The following RAB3C variants were observed in gnomAD, a reference collection of about 807,000 sequenced individuals.
RAB3C encodes the protein ras-related protein Rab-3C.
A neutral mutation model predicts 26.4 loss-of-function variants in RAB3C; 17 were observed. The ratio of observed to expected loss-of-function variants is 0.64; its 90% confidence interval spans 0.44 to 0.97. RAB3C has a LOEUF of 0.97. Among genes scored for constraint, RAB3C ranks in the 50% least tolerant of loss-of-function variants. The probability of loss-of-function intolerance (pLI) is 0.00; values close to 1 mark genes in which losing one functional copy is unlikely to be tolerated. For synonymous variants in RAB3C, 91 were observed against 95.9 expected, an observed-to-expected ratio of 0.95 and a Z score of 0.30; for missense variants, 242 against 281.9, an observed-to-expected ratio of 0.86 and a Z score of 1.01.
chr5:58,695,338 AT>A (rs1468598413), intron 2 of RAB3C, among the ~76,000 whole-genome samples: 1 of 152,014 alleles, frequency 6.6e-6, no homozygotes, highest in African/African-American at 2.4e-5. Flanking sequence ...TTGTAGTATA[AT>A]TTGAAGTCAG....
chr5:58,639,129 T>C (rs1747355616), intron 2 of RAB3C, among the ~76,000 whole-genome samples: 1 of 152,202 alleles, frequency 6.6e-6, no homozygotes. Flanking sequence ...GAATGGACAA[T>C]TCTGGAAAGC....
Position 58,853,793 on chromosome 5 carries a change from C to T in RAB3C, c.*2442C>T, listed in dbSNP as rs1744169373. 1 of 152,080 alleles carries T rather than the reference C, an allele frequency of 6.6e-6. No individual in the cohort carries two copies. Among genetic ancestry groups the T allele is most frequent in the South Asian group, 2.1e-4 (1 of 4,828 alleles). The allele number at this position is 152,080 out of a possible 1,614,324, so 9.4% of individuals were successfully genotyped here. ...TGATTCTCAGTTCTGAAACTCCCAC[C>T]CTGTTAGGATTTCCATTCCAAATAA... On this transcript the variant is annotated 3_prime_UTR_variant, in exon 5 of 5. Coordinates refer to ENST00000282878, the MANE Select transcript of RAB3C (RefSeq NM_138453.4).
intron 1 of RAB3C, among the ~76,000 whole-genome samples, chr5:58,608,835 A>G (rs771665086): frequency 6.6e-6 from 1 of 152,194 alleles, no homozygotes; most frequent in African/African-American, 2.4e-5. Context: ...TGGCACATAT[A>G]CACCGTGGAA....
intron 1 of RAB3C, among the ~76,000 whole-genome samples, chr5:58,614,900 A>G (rs1052569515): frequency 7.2e-5 from 11 of 152,156 alleles, no homozygotes; most frequent in African/African-American, 2.2e-4. Context: ...ATAATACAGA[A>G]TAATAACCAC....
chr5:58,781,068 G>A (rs1742258976), intron 3 of RAB3C, among the ~76,000 whole-genome samples: 1 of 151,912 alleles, frequency 6.6e-6, no homozygotes, highest in South Asian at 2.1e-4. Flanking sequence ...TCTCTGAATA[G>A]TAACTAGAAC....
intron 3 of RAB3C, among the ~76,000 whole-genome samples, chr5:58,736,526 T>C (rs1741140017): frequency 6.6e-6 from 1 of 152,194 alleles, no homozygotes; most frequent in African/African-American, 2.4e-5. Flanking sequence ...GCAATAAACC[T>C]CTTCACCTAC....
intron 1 of RAB3C, among the ~76,000 whole-genome samples, chr5:58,589,685 A>G (rs1489751062): frequency 1.3e-5 from 2 of 152,146 alleles, no homozygotes; most frequent in African/African-American, 4.8e-5. Flanking sequence ...CCATGGCCTA[A>G]CCCTGTAACG....
chr5:58,629,142 T>C (rs1385345306), intron 2 of RAB3C, among the ~76,000 whole-genome samples: 1 of 152,140 alleles, frequency 6.6e-6, no homozygotes, highest in Non-Finnish European at 1.5e-5. Context: ...CTCACTCTTT[T>C]GGTAATCTGG....
At chr5:58,756,108 C>T (rs1023120164) in intron 3 of RAB3C, among the ~76,000 whole-genome samples, 22 of 151,398 alleles carry the variant, frequency 1.5e-4, no homozygotes, top group African/African-American at 5.3e-4. Flanking sequence ...TTATTGTTAG[C>T]ATTTCACACA....
chr5:58,651,089 A>T (rs1170552492), intron 2 of RAB3C, among the ~76,000 whole-genome samples: 1 of 152,190 alleles, frequency 6.6e-6, no homozygotes, highest in Non-Finnish European at 1.5e-5. Context: ...ACTTGGGCAA[A>T]TTAGACCCTA....
chr5:58,690,590 T>C (rs1329237791), intron 2 of RAB3C, among the ~76,000 whole-genome samples: 1 of 152,164 alleles, frequency 6.6e-6, no homozygotes, highest in African/African-American at 2.4e-5. Flanking sequence ...ATGCAGTCTC[T>C]AGGTCTTTCT....
At chr5:58,636,469 T>C (rs1386705590) in intron 2 of RAB3C, among the ~76,000 whole-genome samples, 1 of 152,236 alleles carries the variant, frequency 6.6e-6, no homozygotes, top group Non-Finnish European at 1.5e-5. Flanking sequence ...ATCACCTTGC[T>C]TTTGCATTTC....
chr5:58,691,849 G>A (rs1156460091), intron 2 of RAB3C, among the ~76,000 whole-genome samples: 2 of 152,132 alleles, frequency 1.3e-5, no homozygotes, highest in Non-Finnish European at 2.9e-5. Flanking sequence ...ACCATGATTC[G>A]ATTAGTGTGT....
At chr5:58,792,871 TTAATTGTTAG>T (rs1742560934) in intron 3 of RAB3C, among the ~76,000 whole-genome samples, 1 of 152,012 alleles carries the variant, frequency 6.6e-6, no homozygotes, top group African/African-American at 2.4e-5. Flanking sequence ...ATATATGTAA[TTAATTGTTAG>T]TAATTGTTAG....
At chr5:58,657,472 C>A (rs1166299054) in intron 2 of RAB3C, among the ~76,000 whole-genome samples, 1 of 151,920 alleles carries the variant, frequency 6.6e-6, no homozygotes, top group Non-Finnish European at 1.5e-5. Context: ...ATGTGTGCAT[C>A]ATGTGAAGAT....
chr5:58,711,960 C>T (rs1438570656), intron 2 of RAB3C, among the ~76,000 whole-genome samples: 1 of 152,110 alleles, frequency 6.6e-6, no homozygotes, highest in African/African-American at 2.4e-5. Context: ...AATATTGTTT[C>T]AGTTCTTACA....
chr5:58,582,483 G>C, upstream of RAB3C: 1 of 923,994 alleles, frequency 1.1e-6, no homozygotes, highest in Non-Finnish European at 1.3e-6. Flanking sequence ...TTCGGTGTGC[G>C]GGTTGTGTGT....
intron 2 of RAB3C, among the ~76,000 whole-genome samples, chr5:58,687,935 A>T (rs1241043022): frequency 1.3e-5 from 2 of 152,130 alleles, no homozygotes; most frequent in Admixed American, 6.6e-5. Context: ...TATTTGGTTT[A>T]TTCAACATTT....
At chr5:58,632,713 T>G (rs1164534833) in intron 2 of RAB3C, among the ~76,000 whole-genome samples, 1 of 152,202 alleles carries the variant, frequency 6.6e-6, no homozygotes, top group Non-Finnish European at 1.5e-5. Flanking sequence ...CATCAAAGCT[T>G]AAGAGCTTCT....
Sources: gnomAD v4.1 joint callset for allele counts (sites outside exome capture counted in the v4.1 genomes callset) on GRCh38, gnomAD v4.1.1 for gene constraint, MANE v1.5 for transcripts, NCBI Gene and HGNC (gene_info 2026-07-23, HGNC 2026-07-21) for gene names.